TRMT44: variants seen among roughly 807,000 people sequenced by gnomAD.
The protein encoded by TRMT44 is probable tRNA (uracil-O(2)-)-methyltransferase.
TRMT44 carries 78 observed loss-of-function variants against 77.3 expected under a neutral mutation model. The ratio of observed to expected loss-of-function variants is 1.01; its 90% CI spans 0.84 to 1.22. The LOEUF is 1.22. TRMT44 is among the 50% of genes most tolerant of loss of function. The pLI is 0.00. For synonymous variants in TRMT44, 391 were observed against 383.3 expected (o/e 1.02, Z -0.23); for missense variants, 1,090 against 964.4 (o/e 1.13, Z -1.73).
intron 6 of TRMT44, chr4:8,455,047 C>T (rs1478674239): frequency 3.5e-6 from 2 of 565,046 alleles, no homozygotes; most frequent in East Asian, 5.7e-5. Context: ...GAAGTGCTGT[C>T]TCTCCCTGAG....
At chr4:8,470,358 C>T (rs1008958916) in intron 9 of TRMT44, among the ~76,000 whole-genome samples, 3 of 152,342 alleles carry the variant, frequency 2.0e-5, no homozygotes, top group Admixed American at 6.5e-5. Context: ...CCGTCTCCTC[C>T]GCTCTCCTGC....
intron 2 of TRMT44, among the ~76,000 whole-genome samples, chr4:8,489,172 C>T (rs561578868): frequency 6.6e-6 from 1 of 152,364 alleles, no homozygotes; most frequent in African/African-American, 2.4e-5. Context: ...CATGTGCTCA[C>T]TGTTTCGCTT....
At chr4:8,470,602 T>C (rs1726915067) in intron 9 of TRMT44, among the ~76,000 whole-genome samples, 1 of 152,188 alleles carries the variant, frequency 6.6e-6, no homozygotes, top group Non-Finnish European at 1.5e-5. Flanking sequence ...GCTGTTCCTT[T>C]TTTTAGTGCC....
At chr4:8,494,657 C>T (rs576978352), downstream of TRMT44, among the ~76,000 whole-genome samples, 1 of 152,240 alleles carries the variant, frequency 6.6e-6, no homozygotes, top group East Asian at 1.9e-4. Flanking sequence ...AAGCTGTGCC[C>T]GACCACCTTG....
chr4:8,497,110 C>G (rs1438469488), downstream of TRMT44, among the ~76,000 whole-genome samples: 1 of 150,486 alleles, frequency 6.6e-6, no homozygotes, highest in African/African-American at 2.4e-5. Context: ...AAAGCCAAGG[C>G]TAAAGGAATG....
chr4:8,483,419 G>C (rs2631741), intron 2 of TRMT44, among the ~76,000 whole-genome samples: 73,579 of 150,082 alleles, frequency 0.49, 18,161 homozygotes, highest in South Asian at 0.69. Flanking sequence ...AGTTTTTTTG[G>C]GGGGGGGCAC....
At chr4:8,469,035 G>T (rs922998281) in intron 9 of TRMT44, among the ~76,000 whole-genome samples, 4 of 152,228 alleles carry the variant, frequency 2.6e-5, no homozygotes, top group Non-Finnish European at 5.9e-5. Context: ...CCCTCCGTCG[G>T]TGACTTCTGC....
At chr4:8,508,369 G>A in the TRMT44 span, among the ~76,000 whole-genome samples, 2 of 152,208 alleles carry the variant, frequency 1.3e-5, no homozygotes, top group Admixed American at 1.3e-4. Flanking sequence ...CCCTGAGGGT[G>A]GGTCTGGGTG....
intron 2 of TRMT44, among the ~76,000 whole-genome samples, chr4:8,484,131 G>A (rs191994699): frequency 1.5e-3 from 230 of 152,296 alleles, no homozygotes; most frequent in African/African-American, 5.1e-3. Context: ...GGTGTGTGGC[G>A]ATTAGGCCTG....
chr4:8,470,863 T>C, intron 9 of TRMT44: 1 of 474,330 alleles, frequency 2.1e-6, no homozygotes, highest in Middle Eastern at 6.2e-4. Flanking sequence ...TGTGTGGGGC[T>C]GCGTCTTGTC....
In TRMT44 at chr4:8,468,356, C is replaced by T. The variant is rs1223210763; in HGVS notation, c.1927+10C>T. ...ACCTGGAATGGGGGAGGTAAGCTGTCCACCATCTTAGGGAGGGGCTAGCAC... is the reference window on the plus strand; with the variant it reads ...ACCTGGAATGGGGGAGGTAAGCTGTTCACCATCTTAGGGAGGGGCTAGCAC... On this transcript the variant is annotated intron_variant, in intron 9 of 10. Transcript: ENST00000389737. 1.9e-6 allele frequency: 3 copies of T among 1,613,532 alleles called. No homozygotes were observed. Among genetic ancestry groups the T allele is most frequent in the African/African-American group, 1.3e-5 (1 of 74,920 alleles).
At chr4:8,500,861 C>G in the TRMT44 span, among the ~76,000 whole-genome samples, 1 of 152,154 alleles carries the variant, frequency 6.6e-6, no homozygotes, top group Non-Finnish European at 1.5e-5. Flanking sequence ...GAGGTTTCAC[C>G]ATGTTGACCA....
At chr4:8,450,168 A>T (rs575266276) in intron 3 of TRMT44, among the ~76,000 whole-genome samples, 1 of 151,850 alleles carries the variant, frequency 6.6e-6, no homozygotes, top group East Asian at 1.9e-4. Context: ...AGGTTTCACC[A>T]TGTTGCCCAG....
At chr4:8,488,274 G>A (rs993159667) in intron 2 of TRMT44, among the ~76,000 whole-genome samples, 8 of 152,204 alleles carry the variant, frequency 5.3e-5, no homozygotes, top group South Asian at 2.1e-4. Flanking sequence ...ATGAGCGTCC[G>A]TGTGAAGAGA....
At chr4:8,497,518 G>A (rs564002448), downstream of TRMT44, among the ~76,000 whole-genome samples, 39 of 152,294 alleles carry the variant, frequency 2.6e-4, no homozygotes, top group African/African-American at 6.3e-4. Context: ...GGTGGCAGGC[G>A]CCTGTAGTCC....
chr4:8,497,598 TC>T (rs1396438462), downstream of TRMT44, among the ~76,000 whole-genome samples: 1 of 152,122 alleles, frequency 6.6e-6, no homozygotes, highest in African/African-American at 2.4e-5. Context: ...TGAGCTGAGA[TC>T]GCGCCACTGC....
intron 2 of TRMT44, among the ~76,000 whole-genome samples, chr4:8,489,769 C>T (rs1727936446): frequency 6.6e-6 from 1 of 152,220 alleles, no homozygotes; most frequent in Non-Finnish European, 1.5e-5. Flanking sequence ...TGAGCCACCA[C>T]ACCCGGCCTA....
At chr4:8,502,959 A>G in the TRMT44 span, among the ~76,000 whole-genome samples, 1 of 152,234 alleles carries the variant, frequency 6.6e-6, no homozygotes, top group Non-Finnish European at 1.5e-5. Context: ...ACACAGGCAC[A>G]CACAGACTCA....
At chr4:8,467,277 G>T (rs550220062) in intron 8 of TRMT44, among the ~76,000 whole-genome samples, 1 of 152,238 alleles carries the variant, frequency 6.6e-6, no homozygotes, top group African/African-American at 2.4e-5. Context: ...GGGCGGCCGA[G>T]GGGTGGAATG....
Sources: gnomAD v4.1 joint callset for allele counts (sites outside exome capture counted in the v4.1 genomes callset) on GRCh38, gnomAD v4.1.1 for gene constraint, MANE v1.5 for transcripts, NCBI Gene and HGNC (gene_info 2026-07-23, HGNC 2026-07-21) for gene names.